The following RALGAPA2 variants were observed in gnomAD, a reference collection of about 807,000 sequenced individuals.
RALGAPA2 encodes the protein ral GTPase-activating protein subunit alpha-2.
In RALGAPA2, 139 loss-of-function variants were observed where a neutral mutation model predicts 230.4. The observed-to-expected ratio is 0.60, with a 90% CI of 0.53 to 0.69. The LOEUF is 0.69. Ranked by LOEUF, RALGAPA2 falls within the 30% of genes least tolerant of loss-of-function variation. The pLI, the probability that RALGAPA2 is intolerant of heterozygous loss-of-function variation, is 0.00. For missense variants in RALGAPA2, 2,163 were observed against 2,276.0 expected (o/e 0.95, Z 1.01); for synonymous variants, 847 against 837.8 (o/e 1.01, Z -0.19).
chr20:20,486,234 C>T (rs1397508742), intron 36 of RALGAPA2, among the ~76,000 whole-genome samples: 1 of 151,342 alleles, frequency 6.6e-6, no homozygotes, highest in Admixed American at 6.6e-5. Flanking sequence ...TTTATGACTT[C>T]TATAATTTTT....
intron 10 of RALGAPA2, among the ~76,000 whole-genome samples, chr20:20,624,231 G>A (rs1165858943): frequency 2.0e-5 from 3 of 148,506 alleles, no homozygotes; most frequent in African/African-American, 5.0e-5. Context: ...GGAGGCTGAG[G>A]AAGAAGAATC....
At chr20:20,440,543 A>C (rs2060715370) in intron 37 of RALGAPA2, among the ~76,000 whole-genome samples, 1 of 152,096 alleles carries the variant, frequency 6.6e-6, no homozygotes, top group Non-Finnish European at 1.5e-5. Flanking sequence ...ACAGCATCGG[A>C]GCTTTGTCAG....
rs1305605063 is a variant in RALGAPA2, at chr20:20,437,444, G to A, written c.5496-25296C>T. 1.3e-5 allele frequency among the ~76,000 whole-genome samples: 2 copies of A among 152,198 alleles called. No individual in the cohort carries two copies. The highest frequency in any genetic ancestry group is 4.8e-5 in the African/African-American group (2 of 41,446). On this transcript the variant is annotated intron_variant, in intron 37 of 39. Transcript: ENST00000202677. The surrounding 1 kb of genome is among the most constrained non-coding windows in gnomAD (Gnocchi z 4.1). ...GTACCCAGCAGCAGGAGGCTTTCAG[G>A]GATGGTGCCGTCCTCCGTTCAGCCT...
rs772089136 is a variant in RALGAPA2, at chr20:20,465,197, A to ACACACACTCT, written c.5495+7631_5495+7632insAGAGTGTGTG. ...CACACACACACACACACACACACAC[A>ACACACACTCT]CTCTCTCATACTAGGGGACAGCAGC... On this transcript the variant is annotated intron_variant, in intron 37 of 39. Coordinates refer to ENST00000202677, the MANE Select transcript of RALGAPA2 (RefSeq NM_020343.4). Among the ~76,000 whole-genome samples the ACACACACTCT allele has an allele frequency of 8.3e-4, 122 of 147,422 alleles. No individual in the cohort carries two copies. In the East Asian group the frequency reaches 0.013, roughly 16 times the overall value.
At position 20,571,369 on chromosome 20, in the gene RALGAPA2, T is replaced by A. The variant is rs1369050140; in HGVS notation, c.3156+89A>T. On this transcript the variant is annotated intron_variant, in intron 23 of 39. Transcript: ENST00000202677. ...CTACTGAGAAATTCAACACTTCTGA[T>A]GTATTTTCATAAATATTACTAATGT... 2.3e-6 allele frequency: 3 copies of A among 1,332,850 alleles called. No individual in the cohort carries two copies. The African/African-American group carries it at 4.4e-5, about 20-fold the overall frequency. The allele number at this position is 1,332,850 out of a possible 1,614,324, so 82.6% of individuals were successfully genotyped here. A position where few individuals can be genotyped will look rare whatever the true frequency, so the allele number is the denominator to read the frequency against.
chr20:20,408,926 A>G (rs2060002780), intron 38 of RALGAPA2, among the ~76,000 whole-genome samples: 1 of 152,264 alleles, frequency 6.6e-6, no homozygotes, highest in Non-Finnish European at 1.5e-5. Flanking sequence ...TGTTATCAAT[A>G]CAAGTAATGG....
chr20:20,692,051 G>A (rs4624457), intron 1 of RALGAPA2, among the ~76,000 whole-genome samples: 1 of 152,246 alleles, frequency 6.6e-6, no homozygotes, highest in South Asian at 2.1e-4. Flanking sequence ...ACCATGAATG[G>A]AAGCTTCCTA....
chr20:20,543,465 G>A (rs2063701988), intron 24 of RALGAPA2, among the ~76,000 whole-genome samples: 2 of 152,140 alleles, frequency 1.3e-5, no homozygotes, highest in African/African-American at 4.8e-5. Context: ...CAATAGCAAA[G>A]ACTTGGAACC....
intron 36 of RALGAPA2, among the ~76,000 whole-genome samples, chr20:20,481,783 T>C (rs1252294844): frequency 6.6e-6 from 1 of 152,176 alleles, no homozygotes; most frequent in Non-Finnish European, 1.5e-5. Flanking sequence ...GGTGCCAGAA[T>C]CAAGTACTCT....
At chr20:20,402,176 A>T (rs2059856229) in intron 38 of RALGAPA2, among the ~76,000 whole-genome samples, 1 of 152,254 alleles carries the variant, frequency 6.6e-6, no homozygotes, top group Admixed American at 6.5e-5. Context: ...TGGAAAAACC[A>T]GCCTGCCTCC....
At chr20:20,700,305 G>T (rs990390087) in intron 1 of RALGAPA2, among the ~76,000 whole-genome samples, 2 of 152,078 alleles carry the variant, frequency 1.3e-5, no homozygotes, top group East Asian at 1.9e-4. Context: ...TACCTAGAGG[G>T]GGGATGGAGG....
At position 20,398,609 on chromosome 20, in the gene RALGAPA2, G is replaced by A. The variant is rs561226772; in HGVS notation, c.5618-1875C>T. 5.3e-5 allele frequency among the ~76,000 whole-genome samples: 8 copies of A among 152,122 alleles called. No individual in the cohort carries two copies. The highest frequency in any genetic ancestry group is 5.2e-4 in the Admixed American group (8 of 15,282). ...GCTTCCTGATACATCTCTGGGGTACGCACAGGGCACTGACCAACCTGGGCA... is the reference window on the plus strand; with the variant it reads ...GCTTCCTGATACATCTCTGGGGTACACACAGGGCACTGACCAACCTGGGCA... On this transcript the variant is annotated intron_variant, in intron 38 of 39. Transcript: ENST00000202677. This position sits in a 1 kb window ranked among gnomAD's most constrained non-coding sequence, Gnocchi z 4.5.
intron 37 of RALGAPA2, among the ~76,000 whole-genome samples, chr20:20,468,064 T>G (rs147057163): frequency 3.1e-3 from 470 of 152,272 alleles, no homozygotes; most frequent in Non-Finnish European, 5.0e-3. Context: ...CAAACTCTAC[T>G]GAAAGCTCAT....
chr20:20,653,266 G>T (rs9636537), intron 4 of RALGAPA2, among the ~76,000 whole-genome samples: 1 of 145,966 alleles, frequency 6.9e-6, no homozygotes, highest in African/African-American at 2.5e-5. Context: ...TGGGACCTGA[G>T]ATTCTGCATC....
intron 36 of RALGAPA2, 46 bp downstream of exon 36, chr20:20,495,071 T>G: frequency 6.9e-7 from 1 of 1,454,484 alleles, no homozygotes; most frequent in Non-Finnish European, 9.3e-7. Context: ...ATGAATCACA[T>G]GGCAAATGCT....
At chr20:20,612,281 AGAAG>A (rs1180098123) in intron 13 of RALGAPA2, among the ~76,000 whole-genome samples, 3 of 152,200 alleles carry the variant, frequency 2.0e-5, no homozygotes, top group South Asian at 2.1e-4. Context: ...CATATGTAAG[AGAAG>A]TGCATTTGTT....
chr20:20,466,716 G>A (rs923044173), intron 37 of RALGAPA2, among the ~76,000 whole-genome samples: 1 of 152,130 alleles, frequency 6.6e-6, no homozygotes, highest in Non-Finnish European at 1.5e-5. Context: ...TGGTGTGGCT[G>A]GCTGTTGCAT....
chr20:20,526,392 A>T (rs2063203948), intron 27 of RALGAPA2, 30 bp from the exon 28 acceptor site: 1 of 1,422,124 alleles, frequency 7.0e-7, no homozygotes, highest in Non-Finnish European at 9.7e-7. Context: ...CCCAAAGCAG[A>T]CACATAACTT....
intron 26 of RALGAPA2, among the ~76,000 whole-genome samples, chr20:20,532,072 T>C (rs879617912): frequency 3.3e-5 from 5 of 152,188 alleles, no homozygotes; most frequent in Non-Finnish European, 5.9e-5. Flanking sequence ...TATCACTTAG[T>C]TTTGTTGAAA....
Sources: allele counts gnomAD v4.1 joint callset (sites outside exome capture counted in the v4.1 genomes callset), GRCh38; gene constraint gnomAD v4.1.1; non-coding constraint Gnocchi (gnomAD v3.1); transcripts MANE v1.5; gene names NCBI Gene and HGNC (gene_info 2026-07-23, HGNC 2026-07-21).